Variants in UBE2L6 observed in about 807,000 individuals in gnomAD.
UBE2L6 encodes ubiquitin conjugating enzyme E2 L6.
In UBE2L6, 11 loss-of-function variants were observed where a neutral mutation model predicts 13.6. The ratio of observed to expected loss-of-function variants is 0.81; its 90% CI spans 0.51 to 1.34. The LOEUF is 1.34. UBE2L6 is among the 40% of genes most tolerant of loss of function. The pLI is 0.00. For missense variants in UBE2L6, 197 were observed against 199.5 expected, an observed-to-expected ratio of 0.99 and a Z score of 0.07; for synonymous variants, 74 against 83.2, an observed-to-expected ratio of 0.89 and a Z score of 0.60.
At chr11:57,557,746 T>C (rs1003117418) in intron 2 of UBE2L6, among the ~76,000 whole-genome samples, 2 of 152,080 alleles carry the variant, frequency 1.3e-5, no homozygotes, top group Non-Finnish European at 2.9e-5. Context: ...CCTCTTTTCT[T>C]TATATATTAC....
At chr11:57,565,970 T>C (rs1945087985) in intron 1 of UBE2L6, among the ~76,000 whole-genome samples, 1 of 129,500 alleles carries the variant, frequency 7.7e-6, no homozygotes, top group East Asian at 2.6e-4. Context: ...CCCCCTCCTA[T>C]CCCTCAGCCT....
intron 3 of UBE2L6, among the ~76,000 whole-genome samples, chr11:57,553,727 G>A (rs1944976135): frequency 6.6e-6 from 1 of 152,054 alleles, no homozygotes; most frequent in Non-Finnish European, 1.5e-5. Flanking sequence ...TCAAGAAGCT[G>A]AGGCCGGAGA....
chr11:57,551,937 A>G lies in UBE2L6; in HGVS notation c.*421T>C, dbSNP rs1459410394. The G allele has an allele frequency of 6.1e-6, 1 of 165,174 alleles. No homozygotes were observed. The highest frequency in any genetic ancestry group is 6.1e-5 in the Admixed American group (1 of 16,420). 10.2% of individuals were successfully genotyped at this position (165,174 alleles called of 1,614,324 possible). A position where few individuals can be genotyped will look rare whatever the true frequency, so the allele number is the denominator to read the frequency against. On this transcript the variant is annotated 3_prime_UTR_variant, in exon 4 of 4. Transcript: ENST00000287156. The stretch of plus-strand genomic sequence containing the variant: ...CTCAGTTGTAAATAGGGTACCCTCC[A>G]TCTGTCTCCCACCCATATGCTCCAC...
At chr11:57,560,515 C>A (rs571908109) in intron 1 of UBE2L6, 83 bp from the exon 2 acceptor site, 2 of 1,086,816 alleles carry the variant, frequency 1.8e-6, no homozygotes, top group East Asian at 2.4e-5. Context: ...GCAAGCTGCC[C>A]CAAGTTCAAA....
intron 1 of UBE2L6, among the ~76,000 whole-genome samples, chr11:57,562,678 GTC>G (rs1445120065): frequency 6.6e-6 from 1 of 152,178 alleles, no homozygotes. Context: ...GAAAATGAGA[GTC>G]TCTACCTGGT....
At chr11:57,561,949 G>T (rs1475441360) in intron 1 of UBE2L6, among the ~76,000 whole-genome samples, 1 of 152,220 alleles carries the variant, frequency 6.6e-6, no homozygotes, top group Non-Finnish European at 1.5e-5. Context: ...TCAACCAGGG[G>T]CGATTTTACC....
intron 2 of UBE2L6, among the ~76,000 whole-genome samples, chr11:57,559,360 C>T (rs1945020992): frequency 6.6e-6 from 1 of 152,166 alleles, no homozygotes; most frequent in Admixed American, 6.5e-5. Flanking sequence ...CCTGTAATCC[C>T]AGCACTTTAG....
In UBE2L6 at chr11:57,552,369, G is replaced by T; in HGVS notation, c.451C>A (p.Arg151=). ...GGTCAGAACATGAGTTAGGAGGGCC[G>T]GTCCACTCCGAATCGGAGGGTGAAC... ...EEFTLRFGVD[R]PS Residue 151 remains arginine, a synonymous_variant, in exon 4 of 4, where the codon CGG becomes AGG. Transcript: ENST00000287156. 6.2e-7 allele frequency: 1 copy of T among 1,614,148 alleles called. No individual in the cohort carries two copies. The highest frequency in any genetic ancestry group is 8.5e-7 in the Non-Finnish European group (1 of 1,180,032).
intron 2 of UBE2L6, 21 bp from the exon 3 acceptor site, chr11:57,554,644 T>C: frequency 1.9e-6 from 3 of 1,612,970 alleles, no homozygotes; most frequent in Non-Finnish European, 2.5e-6. Context: ...AGAAAAGGGG[T>C]CAAGCTCCAG....
At chr11:57,567,735 C>A (rs559578499), upstream of UBE2L6, 352 of 1,253,108 alleles carry the variant, frequency 2.8e-4, 2 homozygotes, top group African/African-American at 5.0e-3. Context: ...CTCCTCCAGC[C>A]GTCGCTGCGT....
Position 57,554,475 on chromosome 11 carries a change from C to T in UBE2L6, c.272G>A (p.Ser91Asn), listed in dbSNP as rs1468673140. 4 of 1,614,072 alleles carry T rather than the reference C, an allele frequency of 2.5e-6. No individual in the cohort carries two copies. In the East Asian group the frequency reaches 8.9e-5, roughly 36 times the overall value. The stretch of plus-strand genomic sequence containing the variant: ...GGTGCAAGGCTTCCAGTTCTCACTG[C>T]TGATGATGGGCAGGCAAATCTGTCC... ...ENGQICLPII[S>N]SENWKPCTKT... The change falls in exon 3 of 4, where the codon AGC (serine) becomes AAC (asparagine). Residue 91 changes from serine to asparagine, a missense_variant. Physicochemically the swap from Ser to Asn is conservative, Grantham distance 46 (BLOSUM62 1). Transcript: ENST00000287156.
intron 2 of UBE2L6, among the ~76,000 whole-genome samples, chr11:57,557,225 T>C (rs977827378): frequency 2.6e-5 from 4 of 152,110 alleles, no homozygotes; most frequent in South Asian, 2.1e-4. Context: ...GTTCTTACTC[T>C]ATTACTTACT....
chr11:57,560,194 G>A (rs542235094), intron 2 of UBE2L6, 143 bp downstream of exon 2: 5 of 689,720 alleles, frequency 7.2e-6, no homozygotes, highest in East Asian at 5.2e-5. Context: ...AATCAATTCA[G>A]AGAGAAGCCC....
rs1945041259 is a variant in UBE2L6, at chr11:57,560,970, G to T, written c.28-538C>A. The stretch of plus-strand genomic sequence containing the variant: ...CTGACTGTGGCCTCACCACAACTCT[G>T]GTACACCTAGGTACTAGGTGCAGGG... On this transcript the variant is annotated intron_variant, in intron 1 of 3. Coordinates refer to ENST00000287156, the MANE Select transcript of UBE2L6 (RefSeq NM_004223.5). 2.0e-5 allele frequency among the ~76,000 whole-genome samples: 3 copies of T among 151,964 alleles called. No homozygotes were observed. The South Asian group carries it at 6.2e-4, about 32-fold the overall frequency.
chr11:57,554,500 C>T lies in UBE2L6; in HGVS notation c.247G>A (p.Gly83Arg), dbSNP rs1944982474. The change falls in exon 3 of 4, where the codon GGA becomes AGA. Residue 83 changes from glycine (G) to arginine (R), a missense_variant. By Grantham distance (125) the Gly-to-Arg change is moderately radical. Coordinates refer to ENST00000287156, the MANE Select transcript of UBE2L6 (RefSeq NM_004223.5). The part of the protein sequence containing the change: ...KIYHPNVDEN[G>R]QICLPIISSE... ...CTGATGATGGGCAGGCAAATCTGTCCGTTCTCGTCCACGTTGGGGTGGTAG... is the reference window on the plus strand; with the variant it reads ...CTGATGATGGGCAGGCAAATCTGTCTGTTCTCGTCCACGTTGGGGTGGTAG... 3.7e-6 allele frequency: 6 copies of T among 1,614,156 alleles called. No individual in the cohort carries two copies. Among genetic ancestry groups the T allele is most frequent in the Middle Eastern group, 1.6e-4 (1 of 6,062 alleles).
chr11:57,555,529 A>G (rs1944990647), intron 2 of UBE2L6, among the ~76,000 whole-genome samples: 1 of 152,232 alleles, frequency 6.6e-6, no homozygotes, highest in African/African-American at 2.4e-5. Context: ...CAGTACAGGT[A>G]GACAAAAAGT....
chr11:57,560,909 C>T (rs1037891671), intron 1 of UBE2L6, among the ~76,000 whole-genome samples: 4 of 151,732 alleles, frequency 2.6e-5, no homozygotes, highest in South Asian at 2.1e-4. Context: ...CGTGAGCTAC[C>T]GCGCCCAGCC....
chr11:57,567,738 C>G, upstream of UBE2L6: 1 of 1,226,984 alleles, frequency 8.2e-7, no homozygotes, highest in Non-Finnish European at 1.1e-6. Context: ...CTCCAGCCGT[C>G]GCTGCGTGGG....
chr11:57,562,319 T>TA (rs1945053647), intron 1 of UBE2L6, among the ~76,000 whole-genome samples: 1 of 152,196 alleles, frequency 6.6e-6, no homozygotes, highest in Non-Finnish European at 1.5e-5. Context: ...CACAGAGCAC[T>TA]AGAGAGATTT....
Sources: gnomAD v4.1 joint callset for allele counts (sites outside exome capture counted in the v4.1 genomes callset) on GRCh38, gnomAD v4.1.1 for gene constraint, MANE v1.5 for transcripts, NCBI Gene and HGNC (gene_info 2026-07-23, HGNC 2026-07-21) for gene names.